PER2: variants seen among roughly 807,000 people sequenced by gnomAD.
PER2 encodes the protein period circadian protein homolog 2.
A neutral mutation model predicts 121.0 loss-of-function variants in PER2; 66 were observed. The observed-to-expected ratio is 0.55, with a 90% confidence interval of 0.45 to 0.67. The LOEUF is 0.67. Among genes scored for constraint, PER2 ranks in the 30% least tolerant of loss-of-function variants. The probability of loss-of-function intolerance (pLI) is 0.00; values close to 1 mark genes in which losing one functional copy is unlikely to be tolerated. For synonymous variants in PER2, 684 were observed against 659.9 expected, an observed-to-expected ratio of 1.04 and a Z score of -0.56; for missense variants, 1,521 against 1,635.0, an observed-to-expected ratio of 0.93 and a Z score of 1.20.
chr2:238,250,479 T>G, intron 21 of PER2, 72 bp downstream of exon 21: 47 of 1,086,404 alleles, frequency 4.3e-5, no homozygotes, highest in Non-Finnish European at 6.2e-5. Context: ...TGAATGACCT[T>G]GACCTTGTTG....
At chr2:238,285,875 A>G (rs141930208) in intron 1 of PER2, among the ~76,000 whole-genome samples, 2,425 of 135,040 alleles carry the variant, frequency 0.018, 45 homozygotes, top group South Asian at 0.075. Context: ...ATATTCTAAC[A>G]TGTTTTCTAC....
chr2:238,266,461 C>T (rs535319394), intron 8 of PER2, among the ~76,000 whole-genome samples: 13 of 152,102 alleles, frequency 8.5e-5, no homozygotes, highest in Non-Finnish European at 1.6e-4. Flanking sequence ...TACTGGAGAA[C>T]TTCACAGTTT....
chr2:238,281,875 T>C (rs1696641591), intron 1 of PER2, among the ~76,000 whole-genome samples: 1 of 152,206 alleles, frequency 6.6e-6, no homozygotes, highest in African/African-American at 2.4e-5. Context: ...GAAGTGCTTA[T>C]TTATGTGCTC....
intron 8 of PER2, among the ~76,000 whole-genome samples, chr2:238,266,638 T>C (rs1696121698): frequency 1.3e-5 from 2 of 152,208 alleles, no homozygotes; most frequent in Admixed American, 6.5e-5. Context: ...CTAAGTACCC[T>C]CTCTAAACCT....
chr2:238,258,461 G>A, intron 15 of PER2, 36 bp downstream of exon 15: 1 of 1,614,116 alleles, frequency 6.2e-7, no homozygotes. Context: ...GAAGGTGTGT[G>A]AGATGGTGGA....
At chr2:238,258,144 T>C (rs1023370000) in intron 16 of PER2, 132 bp downstream of exon 16, 1 of 1,019,574 alleles carries the variant, frequency 9.8e-7, no homozygotes, top group Admixed American at 1.9e-5. Context: ...TGCTGACTTT[T>C]GAACTACTTT....
intron 8 of PER2, 138 bp downstream of exon 8, chr2:238,267,918 G>GC (rs1696158060): frequency 1.1e-6 from 1 of 909,148 alleles, no homozygotes. Flanking sequence ...TGGAGACCCT[G>GC]CCCAAGGTGA....
chr2:238,255,122 C>G (rs889393630), intron 18 of PER2: 3 of 168,144 alleles, frequency 1.8e-5, no homozygotes, highest in African/African-American at 7.2e-5. Flanking sequence ...CTTCAACCCC[C>G]CAAGTGGCAC....
rs1241006520 is a variant in PER2, at chr2:238,253,742, C to T, written c.2321-40G>A. On this transcript the variant is annotated intron_variant, in intron 18 of 22. Coordinates refer to ENST00000254657, the MANE Select transcript of PER2 (RefSeq NM_022817.3). This position sits in a 1 kb window ranked among gnomAD's most constrained non-coding sequence, Gnocchi z 5.6. ...CAAATACTCGGAGTTAAAATTTTAA[C>T]TCCAAATTTGAAGACACCTCTTCGT... The T allele has an allele frequency of 6.7e-7, 1 of 1,490,734 alleles. No homozygotes were observed. Among genetic ancestry groups the T allele is most frequent in the Non-Finnish European group, 9.1e-7 (1 of 1,093,030 alleles). The allele number at this position is 1,490,734 out of a possible 1,614,324, so 92.3% of individuals were successfully genotyped here.
At chr2:238,283,683 T>C (rs1696696731) in intron 1 of PER2, among the ~76,000 whole-genome samples, 1 of 152,228 alleles carries the variant, frequency 6.6e-6, no homozygotes, top group Non-Finnish European at 1.5e-5. Context: ...AGATCTCACT[T>C]ACACTTCAAT....
rs753400869 is a variant in PER2, at chr2:238,251,725, G to A, written c.3148C>T (p.Leu1050Phe). Residue 1050 changes from leucine to phenylalanine, a missense_variant, in exon 20 of 23, where the codon CTT (leucine) becomes TTT (phenylalanine). By Grantham distance (22) the Leu-to-Phe change is conservative. Transcript: ENST00000254657. ...TTTAGGAGGCCGCTTGACGTGGAAA[G>A]GGCGTCACTGTTCTGTGTGTCTGAG... is the stretch of plus-strand genomic sequence containing the variant. ...EPSDTQNSDA[L>F]STSSGLLNLL... 3 of 1,614,022 alleles carry A rather than the reference G, an allele frequency of 1.9e-6. No homozygotes were observed. The highest frequency in any genetic ancestry group is 2.7e-5 in the African/African-American group (2 of 75,012).
intron 1 of PER2, among the ~76,000 whole-genome samples, chr2:238,285,978 A>T (rs909665814): frequency 6.6e-6 from 1 of 152,198 alleles, no homozygotes; most frequent in African/African-American, 2.4e-5. Flanking sequence ...CTCCATGGCA[A>T]CGGTTGGGTA....
At chr2:238,249,276 T>C in intron 21 of PER2, 64 bp from the exon 22 acceptor site, 1 of 1,470,060 alleles carries the variant, frequency 6.8e-7, no homozygotes, top group East Asian at 2.3e-5. Context: ...TTTTTATTCT[T>C]TCAGAATAAT....
At chr2:238,265,215 G>T (rs1465524686) in intron 9 of PER2, among the ~76,000 whole-genome samples, 1 of 152,176 alleles carries the variant, frequency 6.6e-6, no homozygotes, top group African/African-American at 2.4e-5. Context: ...CTTCCACCCT[G>T]ACACTGGTCC....
intron 1 of PER2, among the ~76,000 whole-genome samples, chr2:238,285,752 A>G (rs1414808786): frequency 6.6e-6 from 1 of 152,154 alleles, no homozygotes; most frequent in Non-Finnish European, 1.5e-5. Flanking sequence ...GCGGGGACTC[A>G]CTAGCTTGGC....
At chr2:238,270,115 CTT>C (rs1449810070) in intron 6 of PER2, among the ~76,000 whole-genome samples, 2 of 152,210 alleles carry the variant, frequency 1.3e-5, no homozygotes, top group East Asian at 3.8e-4. Flanking sequence ...TTGTCAGCCT[CTT>C]TCTTTGGCCT....
At chr2:238,283,832 C>A (rs1453360772) in intron 1 of PER2, among the ~76,000 whole-genome samples, 1 of 152,192 alleles carries the variant, frequency 6.6e-6, no homozygotes, top group Non-Finnish European at 1.5e-5. Context: ...CCCTGGACAC[C>A]ACCCATCTCA....
At chr2:238,251,038 C>T (rs1379613890) in intron 20 of PER2, among the ~76,000 whole-genome samples, 1 of 152,246 alleles carries the variant, frequency 6.6e-6, no homozygotes, top group African/African-American at 2.4e-5. Flanking sequence ...TCACCATCTC[C>T]ACTCATGTGG....
Position 238,252,829 on chromosome 2 carries a change from GT to G in PER2, c.3111+82del. 1 of 1,197,424 alleles carries G rather than the reference GT, an allele frequency of 8.4e-7. No individual in the cohort carries two copies. The highest frequency in any genetic ancestry group is 1.2e-6 in the Non-Finnish European group (1 of 808,472). 74.2% of individuals were successfully genotyped at this position (1,197,424 alleles called of 1,614,324 possible). A position where few individuals can be genotyped will look rare whatever the true frequency, so the allele number is the denominator to read the frequency against. On this transcript the variant is annotated intron_variant, in intron 19 of 22. Transcript: ENST00000254657. The surrounding 1 kb of genome is among the most constrained non-coding windows in gnomAD (Gnocchi z 4.2). ...GAAACCTCAATCGTGTAACCCCCAT[GT>G]CTGAACTGAGGATGTGCGGCCGGCC...
Sources: gnomAD v4.1 joint callset for allele counts (sites outside exome capture counted in the v4.1 genomes callset) on GRCh38, gnomAD v4.1.1 for gene constraint, Gnocchi (gnomAD v3.1) non-coding constraint, MANE v1.5 for transcripts, NCBI Gene and HGNC (gene_info 2026-07-23, HGNC 2026-07-21) for gene names.